Variants in SCN1A observed in about 807,000 individuals in gnomAD.
SCN1A encodes sodium voltage-gated channel alpha subunit 1, also known as sodium channel protein type 1 subunit alpha.
Under a neutral mutation model 193.7 loss-of-function variants are expected in SCN1A, and 13 were observed. The ratio of observed to expected loss-of-function variants is 0.07; its 90% CI spans 0.04 to 0.11. The LOEUF (loss-of-function observed/expected upper bound fraction) is 0.11, where lower values mean the gene tolerates loss of function less well. SCN1A is among the 10% of genes least tolerant of loss of function. SCN1A has a pLI of 1.00. For missense variants in SCN1A, 1,432 were observed against 2,451.1 expected (o/e 0.58, Z 8.78); for synonymous variants, 781 against 843.6 (o/e 0.93, Z 1.29).
Position 166,036,043 on chromosome 2 carries a change from C to T in SCN1A, c.3429+5G>A, listed in dbSNP as rs2105792738. 6.2e-7 allele frequency: 1 copy of T among 1,613,298 alleles called. No individual in the cohort carries two copies. Among genetic ancestry groups the T allele is most frequent in the South Asian group, 1.1e-5 (1 of 90,960 alleles). The stretch of plus-strand genomic sequence containing the variant: ...TCATACCTTCCCACACCTATAGAAT[C>T]TTACCTCTTTGCTTTCTTCCAGATC... On this transcript the variant is annotated splice_donor_5th_base_variant and intron_variant, in intron 19 of 28. Transcript: ENST00000674923.
rs562963222 is a variant in SCN1A, at chr2:165,994,129, C to G, written c.4852+17G>C. 6.3e-7 allele frequency: 1 copy of G among 1,576,134 alleles called. No homozygotes were observed. The highest frequency in any genetic ancestry group is 1.4e-5 in the African/African-American group (1 of 73,910). On this transcript the variant is annotated intron_variant, in intron 28 of 28. Coordinates refer to ENST00000674923, the MANE Select transcript of SCN1A (RefSeq NM_001165963.4). ...ACTTTTATTTAACTGAATTTAAGAA[C>G]TTTAAATATTTCTTACCTACAATGG... is the stretch of plus-strand genomic sequence containing the variant.
At chr2:166,088,088 G>A (rs1333364455) in intron 2 of SCN1A, among the ~76,000 whole-genome samples, 1 of 149,646 alleles carries the variant, frequency 6.7e-6, no homozygotes, top group Non-Finnish European at 1.5e-5. Context: ...GTGTGTGTAA[G>A]GGTATGAGCT....
intron 2 of SCN1A, among the ~76,000 whole-genome samples, chr2:166,111,418 G>A (rs1046212184): frequency 5.9e-5 from 9 of 151,634 alleles, no homozygotes; most frequent in African/African-American, 2.2e-4. Context: ...TTTTAAGCCT[G>A]CTATTGAGAC....
At chr2:166,083,762 T>A (rs943895699) in intron 2 of SCN1A, among the ~76,000 whole-genome samples, 2 of 152,200 alleles carry the variant, frequency 1.3e-5, no homozygotes, top group African/African-American at 4.8e-5. Context: ...TTCTAGACGA[T>A]CATAGTCAGA....
In SCN1A at chr2:166,015,621, G is replaced by A. The variant is rs780475706; in HGVS notation, c.3536C>T (p.Ala1179Val). The A allele has an allele frequency of 1.4e-5, 22 of 1,612,682 alleles. No individual in the cohort carries two copies. The highest frequency in any genetic ancestry group is 1.9e-5 in the Non-Finnish European group (22 of 1,178,884). Residue 1179 changes from alanine to valine, a missense_variant, in exon 20 of 29, where the codon GCT (alanine) becomes GTT (valine). This residue lies in a region of SCN1A where 198 missense variants were observed against 225.8 expected (regional missense o/e 0.88). Coordinates refer to ENST00000674923, the MANE Select transcript of SCN1A (RefSeq NM_001165963.4). ...CTTTTCTTTACCTTCAGTGAAACAAGCTTCTGGTTCAAGAGTTTCTTCAGG... is the reference window on the plus strand; with the variant it reads ...CTTTTCTTTACCTTCAGTGAAACAAACTTCTGGTTCAAGAGTTTCTTCAGG... The part of the protein sequence containing the change: ...VEPEETLEPE[A>V]CFTEGCVQRF...
At chr2:166,043,582 C>T in intron 14 of SCN1A, 87 bp downstream of exon 14, 1 of 1,427,368 alleles carries the variant, frequency 7.0e-7, no homozygotes. Context: ...AACCAGGAAT[C>T]ATTCTCAAGG....
intron 9 of SCN1A, among the ~76,000 whole-genome samples, chr2:166,049,557 C>A (rs986165472): frequency 6.6e-6 from 1 of 151,914 alleles, no homozygotes; most frequent in Non-Finnish European, 1.5e-5. Context: ...GTCTTAAATA[C>A]TAAAGCTAAA....
intron 4 of SCN1A, among the ~76,000 whole-genome samples, chr2:166,071,196 G>C (rs1244031031): frequency 1.3e-5 from 2 of 152,098 alleles, no homozygotes; most frequent in African/African-American, 4.8e-5. Context: ...TTAGGCAATT[G>C]GATTATCTGC....
At chr2:166,077,861 A>G (rs746390614) in intron 2 of SCN1A, 60 bp from the exon 3 acceptor site, 1 of 151,962 alleles carries the variant, frequency 6.6e-6, no homozygotes. Context: ...TGGTACATCC[A>G]GACAATGGAA....
intron 3 of SCN1A, among the ~76,000 whole-genome samples, chr2:166,076,229 T>C (rs989378622): frequency 5.9e-5 from 9 of 151,960 alleles, no homozygotes; most frequent in Non-Finnish European, 1.3e-4. Flanking sequence ...AGATGGGCAG[T>C]AAGGGGTAGG....
intron 5 of SCN1A, among the ~76,000 whole-genome samples, chr2:166,057,792 T>C (rs1699278203): frequency 1.3e-5 from 2 of 152,054 alleles, no homozygotes; most frequent in Non-Finnish European, 2.9e-5. Flanking sequence ...ATATCTATTA[T>C]TGTCAAAGCT....
chr2:166,023,070 A>T (rs1386349697), intron 19 of SCN1A, among the ~76,000 whole-genome samples: 5 of 152,238 alleles, frequency 3.3e-5, no homozygotes, highest in Non-Finnish European at 7.3e-5. Context: ...TAAATTCAAC[A>T]TGGTGCCTCT....
intron 2 of SCN1A, among the ~76,000 whole-genome samples, chr2:166,085,580 G>A (rs1464239835): frequency 3.3e-5 from 5 of 152,130 alleles, no homozygotes; most frequent in East Asian, 1.9e-4. Flanking sequence ...CACGGGCAGC[G>A]GGGCTGAAGC....
intron 6 of SCN1A, among the ~76,000 whole-genome samples, chr2:166,055,578 A>C (rs995869875): frequency 6.6e-6 from 1 of 152,042 alleles, no homozygotes; most frequent in African/African-American, 2.4e-5. Flanking sequence ...ACACTCTTGG[A>C]AATAGGTTGG....
At chr2:166,097,197 A>G (rs978842401) in intron 2 of SCN1A, among the ~76,000 whole-genome samples, 3 of 151,808 alleles carry the variant, frequency 2.0e-5, no homozygotes, top group Non-Finnish European at 4.4e-5. Flanking sequence ...AATTTTTTGT[A>G]TTTTAGTAGA....
intron 15 of SCN1A, 105 bp from the exon 16 acceptor site, chr2:166,041,574 G>C (rs1697197896): frequency 1.2e-6 from 1 of 820,868 alleles, no homozygotes; most frequent in South Asian, 1.5e-5. Flanking sequence ...ACACATTTTT[G>C]TTACAGAGAC....
intron 19 of SCN1A, among the ~76,000 whole-genome samples, chr2:166,018,474 T>C (rs900804840): frequency 5.3e-5 from 8 of 152,016 alleles, no homozygotes; most frequent in Admixed American, 5.2e-4. Flanking sequence ...AGTTTTAATA[T>C]TCAGATATTC....
intron 7 of SCN1A, among the ~76,000 whole-genome samples, chr2:166,054,143 T>C (rs930940544): frequency 6.6e-6 from 1 of 151,992 alleles, no homozygotes; most frequent in Non-Finnish European, 1.5e-5. Flanking sequence ...TCTTCTTTCT[T>C]CTCTTAGTTT....
intron 2 of SCN1A, among the ~76,000 whole-genome samples, chr2:166,088,279 G>A (rs1217642967): frequency 6.6e-6 from 1 of 151,998 alleles, no homozygotes; most frequent in Admixed American, 6.5e-5. Context: ...AGTGAATGTT[G>A]ATAAACATGT....
Sources: gnomAD v4.1 joint callset for allele counts (sites outside exome capture counted in the v4.1 genomes callset) on GRCh38, gnomAD v4.1.1 for gene constraint, gnomAD v4.1.1 regional missense constraint, MANE v1.5 for transcripts, NCBI Gene and HGNC (gene_info 2026-07-23, HGNC 2026-07-21) for gene names.